Variants in PCM1 observed in about 807,000 individuals in gnomAD.
PCM1 encodes the protein pericentriolar material 1.
In PCM1, 157 loss-of-function variants were observed where a neutral mutation model predicts 241.9. That is an observed-to-expected ratio of 0.65 (90% CI 0.57 to 0.74). The LOEUF is 0.74. PCM1 is among the 30% of genes least tolerant of loss of function. The pLI is 0.00. For missense variants in PCM1, 3,478 were observed against 2,360.1 expected, an observed-to-expected ratio of 1.47 and a Z score of -9.81; for synonymous variants, 1,085 against 784.9, an observed-to-expected ratio of 1.38 and a Z score of -6.39.
chr8:17,927,384 G>A (rs1362406466), intron 2 of PCM1: 1 of 151,852 alleles, frequency 6.6e-6, no homozygotes, highest in Non-Finnish European at 1.5e-5. Context: ...CAAAGTGGTG[G>A]GATCACAAGT....
intron 29 of PCM1, among the ~76,000 whole-genome samples, chr8:18,001,899 A>C (rs1432634089): frequency 6.6e-6 from 1 of 150,664 alleles, no homozygotes; most frequent in Non-Finnish European, 1.5e-5. Flanking sequence ...TGTCCAGATT[A>C]TTCCATGTAA....
intron 36 of PCM1, among the ~76,000 whole-genome samples, chr8:18,021,748 A>T (rs192868417): frequency 1.1e-3 from 163 of 152,314 alleles, no homozygotes; most frequent in African/African-American, 3.6e-3. Context: ...CTTGGCCAAA[A>T]ATTTTACCAC....
At chr8:17,955,193 T>C (rs1017116329) in intron 9 of PCM1, among the ~76,000 whole-genome samples, 13 of 152,188 alleles carry the variant, frequency 8.5e-5, no homozygotes, top group African/African-American at 3.1e-4. Context: ...TCATTATTCT[T>C]GTCAATTTCC....
Position 17,972,235 on chromosome 8 carries a change from C to T in PCM1, c.3585-94C>T, listed in dbSNP as rs184169193. On this transcript the variant is annotated intron_variant, in intron 22 of 38. Transcript: ENST00000325083. ...TATAGCCTGTTGACAATTTTATTCA[C>T]CTAAATCTACTCGAGTAGACTATAA... 8 of 557,512 alleles carry T rather than the reference C, an allele frequency of 1.4e-5. No individual in the cohort carries two copies. In the African/African-American group the frequency reaches 2.8e-4, roughly 19 times the overall value. The allele number at this position is 557,512 out of a possible 1,614,324, so 34.5% of individuals were successfully genotyped here. A position where few individuals can be genotyped will look rare whatever the true frequency, so the allele number is the denominator to read the frequency against.
chr8:18,001,850 A>G (rs1162378005), intron 29 of PCM1, among the ~76,000 whole-genome samples: 1 of 152,070 alleles, frequency 6.6e-6, no homozygotes, highest in South Asian at 2.1e-4. Context: ...CTTTCTCTGT[A>G]TCTGACTTTA....
chr8:17,991,504 T>A, intron 27 of PCM1, 38 bp from the exon 28 acceptor site: 1 of 1,533,848 alleles, frequency 6.5e-7, no homozygotes, highest in Non-Finnish European at 8.8e-7. Context: ...AAAAGTTCAC[T>A]TTTACATACT....
chr8:17,943,912 A>T (rs2062986209), intron 6 of PCM1, among the ~76,000 whole-genome samples: 1 of 152,172 alleles, frequency 6.6e-6, no homozygotes, highest in Admixed American at 6.5e-5. Context: ...CTTGAGACTT[A>T]ACGCATGATA....
At chr8:17,924,143 T>C (rs1052474799) in intron 1 of PCM1, among the ~76,000 whole-genome samples, 2 of 152,098 alleles carry the variant, frequency 1.3e-5, no homozygotes, top group Non-Finnish European at 2.9e-5. Context: ...CGCCTGCTGG[T>C]GTTCTCTGGT....
chr8:18,007,109 A>C (rs913565701), intron 30 of PCM1, among the ~76,000 whole-genome samples: 3 of 152,220 alleles, frequency 2.0e-5, no homozygotes, highest in Admixed American at 2.0e-4. Context: ...CCATATGACA[A>C]ACATCTTTAC....
chr8:17,968,728 ATATG>A (rs1232784355), intron 21 of PCM1, among the ~76,000 whole-genome samples: 21 of 97,138 alleles, frequency 2.2e-4, no homozygotes, highest in Middle Eastern at 4.8e-3. Flanking sequence ...ATGGATGTAT[ATATG>A]TGTGTGTGTG....
chr8:17,950,294 T>C (rs888361584), intron 7 of PCM1, among the ~76,000 whole-genome samples: 5 of 152,228 alleles, frequency 3.3e-5, no homozygotes, highest in Non-Finnish European at 5.9e-5. Context: ...ACTATCACTT[T>C]CCCTTTCACT....
intron 13 of PCM1, among the ~76,000 whole-genome samples, chr8:17,959,758 A>C (rs2070754032): frequency 6.6e-6 from 1 of 152,158 alleles, no homozygotes; most frequent in South Asian, 2.1e-4. Context: ...TAGCTTGTTT[A>C]ACCATTACTG....
intron 8 of PCM1, 51 bp from the exon 9 acceptor site, chr8:17,952,919 T>A (rs771609973): frequency 1.5e-5 from 17 of 1,112,816 alleles, no homozygotes; most frequent in Non-Finnish European, 2.0e-5. Flanking sequence ...TGAGAATGCA[T>A]TTAATTGCGT....
rs548264898 is a variant in PCM1 at position 17,960,733 on chromosome 8, C to T, written c.2322+289C>T. On this transcript the variant is annotated intron_variant, in intron 15 of 38. Transcript: ENST00000325083. ...TAGAGACAGGGTTTCACAGTGTTAG[C>T]CAGGATGGTTTCGATCTCCTGACCT... 9.0e-4 allele frequency among the ~76,000 whole-genome samples: 136 copies of T among 151,950 alleles called. 1 individual carries two copies. The highest frequency in any genetic ancestry group is 1.7e-3 in the Non-Finnish European group (118 of 67,950).
chr8:17,950,272 G>C (rs1356863761), intron 7 of PCM1, among the ~76,000 whole-genome samples: 4 of 152,180 alleles, frequency 2.6e-5, no homozygotes, highest in African/African-American at 9.7e-5. Flanking sequence ...AGAATCAGCT[G>C]TGCTTTTTTA....
At chr8:18,006,232 T>G (rs1250123679) in intron 29 of PCM1, 31 bp from the exon 30 acceptor site, 1 of 1,548,764 alleles carries the variant, frequency 6.5e-7, no homozygotes, top group Admixed American at 2.0e-5. Context: ...ATAGGTAAGT[T>G]TATATTCTAA....
At chr8:17,930,380 G>A (rs1237366532) in intron 2 of PCM1, among the ~76,000 whole-genome samples, 1 of 151,830 alleles carries the variant, frequency 6.6e-6, no homozygotes, top group African/African-American at 2.4e-5. Flanking sequence ...TGGGATTACA[G>A]GCGTGAGCCA....
chr8:18,013,011 C>T (rs2092712580), intron 34 of PCM1, among the ~76,000 whole-genome samples: 1 of 152,100 alleles, frequency 6.6e-6, no homozygotes, highest in South Asian at 2.1e-4. Flanking sequence ...TATCAAAAAG[C>T]AAGTTAAGGT....
At position 17,962,999 on chromosome 8, in the gene PCM1, A is replaced by G. The variant is rs890432151; in HGVS notation, c.2464-102A>G. 5.4e-6 allele frequency: 4 copies of G among 743,878 alleles called. No homozygotes were observed. In the African/African-American group the frequency reaches 5.4e-5, roughly 10 times the overall value. 46.1% of individuals were successfully genotyped at this position (743,878 alleles called of 1,614,324 possible). On this transcript the variant is annotated intron_variant, in intron 16 of 38. Coordinates refer to ENST00000325083, the MANE Select transcript of PCM1 (RefSeq NM_006197.4). ...TTAGTGTGAAAAGGAGAGAATGAGA[A>G]TAGAAACCTTTGTTGATACTGACAA...
Sources: allele counts gnomAD v4.1 joint callset (sites outside exome capture counted in the v4.1 genomes callset), GRCh38; gene constraint gnomAD v4.1.1; transcripts MANE v1.5; gene names NCBI Gene and HGNC (gene_info 2026-07-23, HGNC 2026-07-21).